Variants in HECTD2 observed in about 807,000 individuals in gnomAD.
HECTD2 encodes the protein HECT domain E3 ubiquitin protein ligase 2.
Under a neutral mutation model 103.2 loss-of-function variants are expected in HECTD2, and 35 were observed. That is an observed-to-expected ratio of 0.34 (90% confidence interval 0.26 to 0.45). The LOEUF (loss-of-function observed/expected upper bound fraction) is 0.45, where lower values mean the gene tolerates loss of function less well. HECTD2 is among the 20% of genes least tolerant of loss of function. The pLI, the probability that HECTD2 is intolerant of heterozygous loss-of-function variation, is 1.00. For synonymous variants in HECTD2, 281 were observed against 329.9 expected (o/e 0.85, Z 1.61); for missense variants, 596 against 937.4 (o/e 0.64, Z 4.76).
intron 2 of HECTD2, 85 bp from the exon 3 acceptor site, chr10:91,460,342 C>T: frequency 9.0e-7 from 1 of 1,114,564 alleles, no homozygotes; most frequent in South Asian, 1.7e-5. Flanking sequence ...CATTTGTTTT[C>T]TGTTCATGTT....
intron 6 of HECTD2, among the ~76,000 whole-genome samples, chr10:91,478,689 A>G (rs566604235): frequency 5.9e-5 from 9 of 152,086 alleles, no homozygotes; most frequent in Non-Finnish European, 1.2e-4. Context: ...TTTTTCTCTC[A>G]GAACTAAATA....
At chr10:91,477,187 C>CA (rs1350626797) in intron 5 of HECTD2, among the ~76,000 whole-genome samples, 3,996 of 66,102 alleles carry the variant, frequency 0.06, 129 homozygotes, top group African/African-American at 0.15. Context: ...GACTCCGTCT[C>CA]AAAAAAAAAA....
intron 3 of HECTD2, among the ~76,000 whole-genome samples, 157 bp downstream of exon 3, chr10:91,460,722 A>C (rs1477652572): frequency 6.6e-6 from 1 of 152,212 alleles, no homozygotes; most frequent in African/African-American, 2.4e-5. Context: ...AAGGTGAAAG[A>C]AAACAAATAT....
intron 20 of HECTD2, among the ~76,000 whole-genome samples, chr10:91,502,401 T>C (rs573895319): frequency 6.6e-6 from 1 of 152,324 alleles, no homozygotes; most frequent in Admixed American, 6.5e-5. Context: ...TCATTATGTA[T>C]TGAGTTTCTC....
intron 2 of HECTD2, among the ~76,000 whole-genome samples, chr10:91,457,857 C>G (rs1175324541): frequency 6.6e-6 from 1 of 151,646 alleles, no homozygotes; most frequent in Non-Finnish European, 1.5e-5. Flanking sequence ...TAGTGCTTTC[C>G]CTTTTAATAG....
chr10:91,477,203 C>A (rs1314437111), intron 5 of HECTD2, among the ~76,000 whole-genome samples: 118 of 147,760 alleles, frequency 8.0e-4, no homozygotes, highest in Middle Eastern at 6.8e-3. Flanking sequence ...AAAAAAAAAA[C>A]CCCTGCGGGT....
At chr10:91,445,985 C>A in intron 2 of HECTD2, among the ~76,000 whole-genome samples, 1 of 151,834 alleles carries the variant, frequency 6.6e-6, no homozygotes, top group South Asian at 2.1e-4. Flanking sequence ...GAACTTGCTG[C>A]AGGAATTTTT....
intron 20 of HECTD2, among the ~76,000 whole-genome samples, chr10:91,502,931 A>C (rs1846962695): frequency 6.6e-6 from 1 of 152,206 alleles, no homozygotes; most frequent in South Asian, 2.1e-4. Context: ...CTGACTATCA[A>C]AGACATACAA....
Position 91,415,126 on chromosome 10 carries a change from A to G in HECTD2, c.138+4550A>G, listed in dbSNP as rs569121159. On this transcript the variant is annotated intron_variant, in intron 1 of 20. Transcript: ENST00000298068. Reference sequence around the variant, plus strand: ...AACTAGACAGCAGAAATGAAAGAGAAGAAAGATTAATAAAGGAAAAGGACT... The same window carrying G: ...AACTAGACAGCAGAAATGAAAGAGAGGAAAGATTAATAAAGGAAAAGGACT... Among the ~76,000 whole-genome samples, 116 of 152,196 alleles carry G rather than the reference A, an allele frequency of 7.6e-4. 1 individual carries two copies. The highest frequency in any genetic ancestry group is 3.9e-3 in the South Asian group (19 of 4,824).
Position 91,493,395 on chromosome 10 carries a change from TAAC to T in HECTD2, c.1433-23_1433-21del, listed in dbSNP as rs754474041. The T allele has an allele frequency of 3.8e-6, 5 of 1,319,146 alleles. No homozygotes were observed. In the East Asian group the frequency reaches 1.3e-4, roughly 34 times the overall value. 81.7% of individuals were successfully genotyped at this position (1,319,146 alleles called of 1,614,324 possible). A position where few individuals can be genotyped will look rare whatever the true frequency, so the allele number is the denominator to read the frequency against. Reference sequence around the variant, plus strand: ...TTTTTTAAGTCAATCATGTTAATAATAACATTATTCGTGTGTTTTTTTAGGCAT... The same window carrying T: ...TTTTTTAAGTCAATCATGTTAATAATATTATTCGTGTGTTTTTTTAGGCAT... On this transcript the variant is annotated intron_variant, in intron 13 of 20. Coordinates refer to ENST00000298068, the MANE Select transcript of HECTD2 (RefSeq NM_182765.6).
chr10:91,471,543 T>C (rs986710751), intron 5 of HECTD2, among the ~76,000 whole-genome samples: 3 of 152,176 alleles, frequency 2.0e-5, no homozygotes, highest in African/African-American at 7.2e-5. Flanking sequence ...GCAGATGTTA[T>C]TATTCTATAC....
At chr10:91,451,386 G>A (rs990256027) in intron 2 of HECTD2, among the ~76,000 whole-genome samples, 4 of 152,088 alleles carry the variant, frequency 2.6e-5, no homozygotes, top group African/African-American at 7.2e-5. Flanking sequence ...TTGGGACCAG[G>A]GGAGGGATAG....
intron 2 of HECTD2, among the ~76,000 whole-genome samples, chr10:91,437,619 CTTTTT>C (rs59785873): frequency 1.1e-5 from 1 of 87,422 alleles, no homozygotes; most frequent in Non-Finnish European, 2.7e-5. Context: ...GATGGTTGTT[CTTTTT>C]TTTTTTTTTT....
intron 1 of HECTD2, among the ~76,000 whole-genome samples, chr10:91,421,964 C>T (rs1843376728): frequency 6.6e-6 from 1 of 152,164 alleles, no homozygotes; most frequent in Non-Finnish European, 1.5e-5. Flanking sequence ...TGTCATTCCT[C>T]TTCATTCCCT....
At chr10:91,424,505 A>G (rs1173339342) in intron 1 of HECTD2, among the ~76,000 whole-genome samples, 2 of 152,158 alleles carry the variant, frequency 1.3e-5, no homozygotes, top group Non-Finnish European at 2.9e-5. Flanking sequence ...GGAACATAGT[A>G]TAAAAAGATC....
At chr10:91,461,974 G>A in intron 4 of HECTD2, 121 bp from the exon 5 acceptor site, 1 of 731,258 alleles carries the variant, frequency 1.4e-6, no homozygotes, top group East Asian at 3.1e-5. Context: ...TGCCCTAACA[G>A]TTCTTTTTTA....
rs1846757311 is a variant in HECTD2, at chr10:91,498,176, A to G, written c.1749A>G (p.Thr583=). Residue 583 remains threonine, a synonymous_variant, in exon 16 of 21, where the codon ACA becomes ACG. Transcript: ENST00000298068. Reference sequence around the variant, plus strand: ...ATGTTGAAGAAGATTTCTATTCAACATTTCAGGTACTATTAAGGGCAAGTA... The same window carrying G: ...ATGTTGAAGAAGATTTCTATTCAACGTTTCAGGTACTATTAAGGGCAAGTA... The part of the protein sequence containing the change: ...EGNVEEDFYS[T]FQVFQEEFGI... The G allele has an allele frequency of 1.2e-6, 2 of 1,604,086 alleles. No individual in the cohort carries two copies. Among genetic ancestry groups the G allele is most frequent in the Non-Finnish European group, 1.7e-6 (2 of 1,171,146 alleles).
chr10:91,414,105 TTGAC>T (rs1589451997), intron 1 of HECTD2, among the ~76,000 whole-genome samples: 1 of 152,164 alleles, frequency 6.6e-6, no homozygotes, highest in African/African-American at 2.4e-5. Flanking sequence ...GAGGATGAAT[TTGAC>T]TGGCTACTTC....
At chr10:91,473,191 A>G (rs1269467180) in intron 5 of HECTD2, among the ~76,000 whole-genome samples, 2 of 152,246 alleles carry the variant, frequency 1.3e-5, no homozygotes, top group East Asian at 3.8e-4. Context: ...GAACATCGTA[A>G]TAAAGATACC....
Sources: gnomAD v4.1 joint callset for allele counts (sites outside exome capture counted in the v4.1 genomes callset) on GRCh38, gnomAD v4.1.1 for gene constraint, MANE v1.5 for transcripts, NCBI Gene and HGNC (gene_info 2026-07-23, HGNC 2026-07-21) for gene names.